The following DCC variants were observed in gnomAD, a reference collection of about 807,000 sequenced individuals.
The protein encoded by DCC is netrin receptor DCC.
In DCC, 58 loss-of-function variants were observed where a neutral mutation model predicts 172.5. The ratio of observed to expected loss-of-function variants is 0.34; its 90% confidence interval spans 0.27 to 0.42. DCC has a LOEUF of 0.42. Ranked by LOEUF, DCC falls within the 10% of genes least tolerant of loss-of-function variation. The pLI is 1.00. For missense variants in DCC, 1,740 were observed against 1,791.0 expected (o/e 0.97, Z 0.51); for synonymous variants, 709 against 644.5 (o/e 1.10, Z -1.52).
intron 13 of DCC, among the ~76,000 whole-genome samples, chr18:53,321,749 G>A (rs753558396): frequency 6.6e-6 from 1 of 152,064 alleles, no homozygotes; most frequent in African/African-American, 2.4e-5. Context: ...AATTATCCAT[G>A]TAATTTTTGA....
At chr18:52,623,477 G>T (rs963407915) in intron 1 of DCC, among the ~76,000 whole-genome samples, 6 of 152,206 alleles carry the variant, frequency 3.9e-5, no homozygotes, top group Non-Finnish European at 7.4e-5. Flanking sequence ...TCTAAAGTGT[G>T]GGGGGAGAGA....
At position 53,508,145 on chromosome 18, in the gene DCC, G is replaced by A. The variant is rs1213904808; in HGVS notation, c.4111+8635G>A. Among the ~76,000 whole-genome samples, 9 of 151,804 alleles carry A rather than the reference G, an allele frequency of 5.9e-5. No homozygotes were observed. In the East Asian group the frequency reaches 1.4e-3, roughly 23 times the overall value. Reference sequence around the variant, plus strand: ...CCTGACCTTGTGATCTGCCCGCCTCGGCCTCCCAAAGTGCTGGGATTATAG... The same window carrying A: ...CCTGACCTTGTGATCTGCCCGCCTCAGCCTCCCAAAGTGCTGGGATTATAG... On this transcript the variant is annotated intron_variant, in intron 27 of 28. Transcript: ENST00000442544.
rs1307817675 is a variant in DCC at position 53,535,806 on chromosome 18, G to A, written c.*5153G>A. On this transcript the variant is annotated 3_prime_UTR_variant, in exon 29 of 29. Transcript: ENST00000442544. ...TACTACACAAGGAAAAGGGGGTTTT[G>A]TAAACACTGTAGAACAGTCTCATAT... The A allele has an allele frequency of 2.0e-5, 3 of 151,562 alleles. No individual in the cohort carries two copies. Among genetic ancestry groups the A allele is most frequent in the African/African-American group, 4.8e-5 (2 of 41,400 alleles). The allele number at this position is 151,562 out of a possible 1,614,324, so 9.4% of individuals were successfully genotyped here.
chr18:52,887,211 A>G (rs2039582558), intron 2 of DCC, among the ~76,000 whole-genome samples: 1 of 152,194 alleles, frequency 6.6e-6, no homozygotes, highest in Admixed American at 6.5e-5. Flanking sequence ...CTTTTATCTA[A>G]ATCCTGTTAT....
chr18:52,515,590 G>A (rs1167676779), intron 1 of DCC, among the ~76,000 whole-genome samples: 3 of 23,282 alleles, frequency 1.3e-4, no homozygotes, highest in African/African-American at 3.6e-4. Context: ...CTGGGCGACA[G>A]AGCGAAACCC....
chr18:52,857,420 G>A (rs1051716540), intron 2 of DCC, among the ~76,000 whole-genome samples: 1 of 152,110 alleles, frequency 6.6e-6, no homozygotes, highest in Non-Finnish European at 1.5e-5. Flanking sequence ...TTTTAGTGCA[G>A]TAGAAAATAT....
rs74393366 is a variant in DCC at position 53,193,751 on chromosome 18, C to T, written c.1574-11465C>T. 6.0e-3 allele frequency among the ~76,000 whole-genome samples: 912 copies of T among 152,220 alleles called. 6 individuals carry two copies. Among genetic ancestry groups the T allele is most frequent in the Admixed American group, 0.023 (355 of 15,290 alleles). Reference sequence around the variant, plus strand: ...ATTTCTTCTTTAATTTATATTCCCTCCCAAAAGAGCCAGTTTACTCAAGGC... The same window carrying T: ...ATTTCTTCTTTAATTTATATTCCCTTCCAAAAGAGCCAGTTTACTCAAGGC... On this transcript the variant is annotated intron_variant, in intron 9 of 28. Coordinates refer to ENST00000442544, the MANE Select transcript of DCC (RefSeq NM_005215.4).
At chr18:52,706,596 G>C (rs1194872086) in intron 1 of DCC, among the ~76,000 whole-genome samples, 1 of 152,220 alleles carries the variant, frequency 6.6e-6, no homozygotes, top group South Asian at 2.1e-4. Flanking sequence ...TTGTTACCAA[G>C]AACAATTCAG....
chr18:53,023,288 G>T (rs901912716), intron 5 of DCC, among the ~76,000 whole-genome samples: 5 of 147,880 alleles, frequency 3.4e-5, no homozygotes, highest in African/African-American at 1.2e-4. Flanking sequence ...GTAGTCGACT[G>T]TTTCTAAAGA....
intron 4 of DCC, among the ~76,000 whole-genome samples, chr18:52,924,794 C>T (rs1568190049): frequency 6.6e-6 from 1 of 151,974 alleles, no homozygotes; most frequent in Non-Finnish European, 1.5e-5. Context: ...TTCAGCACAT[C>T]AAGGTGTGTT....
At chr18:53,042,701 T>G (rs977736278) in intron 5 of DCC, among the ~76,000 whole-genome samples, 2 of 151,906 alleles carry the variant, frequency 1.3e-5, no homozygotes, top group Non-Finnish European at 2.9e-5. Flanking sequence ...AACAAACACA[T>G]GAAGAAAAGC....
chr18:53,278,706 G>A (rs185598728), intron 12 of DCC, among the ~76,000 whole-genome samples: 5 of 152,050 alleles, frequency 3.3e-5, no homozygotes, highest in Admixed American at 6.6e-5. Flanking sequence ...TCAGCATTTA[G>A]CCCTAAAAGC....
chr18:52,540,262 C>T (rs1435100809), intron 1 of DCC, among the ~76,000 whole-genome samples: 1 of 151,954 alleles, frequency 6.6e-6, no homozygotes. Context: ...ATAGCAAGGC[C>T]TTGTCTCTAA....
rs1163317324 is a variant in DCC at position 53,045,076 on chromosome 18, A to C, written c.986-18229A>C. ...CAGGGATATTTTAGAAGCTTCTGAGAAGCACATGTTTTTTAATCAGAATCA... is the reference window on the plus strand; with the variant it reads ...CAGGGATATTTTAGAAGCTTCTGAGCAGCACATGTTTTTTAATCAGAATCA... On this transcript the variant is annotated intron_variant, in intron 5 of 28. Coordinates refer to ENST00000442544, the MANE Select transcript of DCC (RefSeq NM_005215.4). 2.6e-5 allele frequency among the ~76,000 whole-genome samples: 4 copies of C among 151,992 alleles called. No individual in the cohort carries two copies. In the East Asian group the frequency reaches 7.8e-4, roughly 29 times the overall value.
chr18:52,952,550 C>T (rs1192241766), intron 5 of DCC, among the ~76,000 whole-genome samples: 2 of 152,170 alleles, frequency 1.3e-5, no homozygotes, highest in Admixed American at 6.5e-5. Flanking sequence ...ATTTAAGTTA[C>T]TGCATTCATT....
Position 53,468,363 on chromosome 18 carries a change from T to TTTATTTATTTATTTATTTATTTTA in DCC, c.3736+355_3736+356insATTTATTTATTTATTTATTTTATT, listed in dbSNP as rs1555675962. On this transcript the variant is annotated intron_variant, in intron 25 of 28. Coordinates refer to ENST00000442544, the MANE Select transcript of DCC (RefSeq NM_005215.4). ...TTATTTTTATTTATTTATTTATTTA[T>TTTATTTATTTATTTATTTATTTTA]TTTATTTATTTATTTATTTTATTTA... Among the ~76,000 whole-genome samples the TTTATTTATTTATTTATTTATTTTA allele has an allele frequency of 9.3e-4, 51 of 54,734 alleles. No individual in the cohort carries two copies. The East Asian group carries it at 0.029, about 31-fold the overall frequency. The allele number at this position is 54,734 out of a possible 152,430, so 35.9% of individuals were successfully genotyped here.
At chr18:53,089,581 AAAAAACCAAAAAAC>A (rs1208020129) in intron 7 of DCC, among the ~76,000 whole-genome samples, 1 of 107,702 alleles carries the variant, frequency 9.3e-6, no homozygotes. Context: ...CTAACTAAAA[AAAAAACCAAAAAAC>A]AAAAAACAAA....
intron 7 of DCC, among the ~76,000 whole-genome samples, chr18:53,139,197 A>G (rs565244755): frequency 1.3e-5 from 2 of 152,280 alleles, no homozygotes; most frequent in African/African-American, 4.8e-5. Flanking sequence ...ATAAACCATT[A>G]CTGGCCAATG....
intron 2 of DCC, among the ~76,000 whole-genome samples, chr18:52,881,892 G>T (rs763897349): frequency 6.6e-6 from 1 of 152,052 alleles, no homozygotes; most frequent in Non-Finnish European, 1.5e-5. Context: ...GCTTTGAGTA[G>T]TGTGGAAATT....
Sources: allele counts gnomAD v4.1 joint callset (sites outside exome capture counted in the v4.1 genomes callset), GRCh38; gene constraint gnomAD v4.1.1; transcripts MANE v1.5; gene names NCBI Gene and HGNC (gene_info 2026-07-23, HGNC 2026-07-21).